The following SPAG16 variants were observed in gnomAD, a reference collection of about 807,000 sequenced individuals.
SPAG16 encodes the protein sperm-associated antigen 16 protein.
In SPAG16, 86 loss-of-function variants were observed where a neutral mutation model predicts 80.4. The ratio of observed to expected loss-of-function variants is 1.07; its 90% CI spans 0.90 to 1.28. The LOEUF (loss-of-function observed/expected upper bound fraction) is 1.28, where lower values mean the gene tolerates loss of function less well. SPAG16 is among the 50% of genes most tolerant of loss of function. SPAG16 has a pLI of 0.00. For missense variants in SPAG16, 870 were observed against 765.3 expected, an observed-to-expected ratio of 1.14 and a Z score of -1.61; for synonymous variants, 294 against 265.9, an observed-to-expected ratio of 1.11 and a Z score of -1.03.
chr2:214,104,165 C>T (rs2125389144), intron 13 of SPAG16, among the ~76,000 whole-genome samples: 1 of 152,246 alleles, frequency 6.6e-6, no homozygotes, highest in Admixed American at 6.5e-5. Flanking sequence ...GGTGCCAGAA[C>T]TCTGCTTAGA....
intron 10 of SPAG16, among the ~76,000 whole-genome samples, chr2:213,686,770 T>C (rs2064701655): frequency 7.8e-6 from 1 of 127,828 alleles, no homozygotes; most frequent in Non-Finnish European, 1.6e-5. Flanking sequence ...CACTGCAACC[T>C]CCACCTCCTG....
chr2:213,318,205 AC>A (rs2063480810), intron 5 of SPAG16, among the ~76,000 whole-genome samples: 1 of 151,974 alleles, frequency 6.6e-6, no homozygotes, highest in East Asian at 1.9e-4. Context: ...CCACACTCTT[AC>A]GTTTATTGCA....
At chr2:213,840,527 C>T (rs987589240) in intron 10 of SPAG16, among the ~76,000 whole-genome samples, 1 of 152,080 alleles carries the variant, frequency 6.6e-6, no homozygotes, top group Non-Finnish European at 1.5e-5. Context: ...AAAGTTCGAT[C>T]ACTGCTAAAT....
intron 15 of SPAG16, among the ~76,000 whole-genome samples, chr2:214,290,974 TTATTG>T (rs1029088495): frequency 1.3e-5 from 2 of 152,216 alleles, no homozygotes; most frequent in African/African-American, 4.8e-5. Context: ...TTTTCCACTA[TTATTG>T]TATTGAAGTG....
rs374274176 is a variant in SPAG16 at position 213,980,725 on chromosome 2, T to TATAGAGAGAG, written c.1401-33225_1401-33224insTAGAGAGAGA. On this transcript the variant is annotated intron_variant, in intron 12 of 15. Transcript: ENST00000331683. ...GTGTGTGTGTGTGTATATATATATA[T>TATAGAGAGAG]AGAGAGAGAGAGAGAGAGAGAGAGA... Among the ~76,000 whole-genome samples the TATAGAGAGAG allele has an allele frequency of 4.0e-3, 421 of 103,978 alleles. 5 individuals are homozygous for TATAGAGAGAG. The highest frequency in any genetic ancestry group is 0.024 in the East Asian group (83 of 3,484). 68.2% of individuals were successfully genotyped at this position (103,978 alleles called of 152,430 possible).
At position 214,283,870 on chromosome 2, in the gene SPAG16, G is replaced by GA. The variant is rs542252311; in HGVS notation, c.1721-126264dup. 1.2e-3 allele frequency among the ~76,000 whole-genome samples: 184 copies of GA among 151,996 alleles called. 1 individual carries two copies. Among genetic ancestry groups the GA allele is most frequent in the African/African-American group, 4.0e-3 (167 of 41,476 alleles). ...AATAGCACTTTGAATTTAATCTTTA[G>GA]AAAAAACACAAGAAATTGACATTAT... On this transcript the variant is annotated intron_variant, in intron 15 of 15. Coordinates refer to ENST00000331683, the MANE Select transcript of SPAG16 (RefSeq NM_024532.5).
intron 15 of SPAG16, among the ~76,000 whole-genome samples, chr2:214,364,008 G>A (rs1912186): frequency 0.97 from 147,894 of 152,142 alleles, 72,049 homozygotes; most frequent in Middle Eastern, 1. Context: ...TTACAACCCA[G>A]ACGTATTCTT....
intron 15 of SPAG16, among the ~76,000 whole-genome samples, chr2:214,250,751 TATATATAGAGAGAGAGAGAG>T: frequency 1.0e-5 from 1 of 98,846 alleles, no homozygotes; most frequent in Middle Eastern, 5.7e-3. Context: ...TATATATATA[TATATATAGAGAGAGAGAGAG>T]AGAGAGAGAG....
intron 15 of SPAG16, among the ~76,000 whole-genome samples, chr2:214,305,385 A>G (rs553256972): frequency 6.6e-6 from 1 of 152,040 alleles, no homozygotes; most frequent in Non-Finnish European, 1.5e-5. Context: ...ATTAGATCCC[A>G]TTTGTCAACT....
chr2:213,646,198 A>G (rs1233916325), intron 10 of SPAG16, among the ~76,000 whole-genome samples: 1 of 152,174 alleles, frequency 6.6e-6, no homozygotes, highest in Non-Finnish European at 1.5e-5. Flanking sequence ...ATACAAAGTT[A>G]CAACCAGGTA....
At chr2:213,909,569 G>A (rs565208550) in intron 11 of SPAG16, among the ~76,000 whole-genome samples, 13 of 151,848 alleles carry the variant, frequency 8.6e-5, no homozygotes, top group Admixed American at 3.9e-4. Context: ...CAGAAATAAC[G>A]CCGCATATCT....
At chr2:213,714,114 C>A (rs944353703) in intron 10 of SPAG16, among the ~76,000 whole-genome samples, 1 of 152,122 alleles carries the variant, frequency 6.6e-6, no homozygotes, top group Non-Finnish European at 1.5e-5. Context: ...CCTGGTAAAT[C>A]CTGCCTCAGA....
At chr2:213,605,189 C>T (rs1335330130) in intron 10 of SPAG16, among the ~76,000 whole-genome samples, 1 of 151,898 alleles carries the variant, frequency 6.6e-6, no homozygotes, top group East Asian at 1.9e-4. Context: ...TATATATGTC[C>T]ACCCAACTAT....
intron 15 of SPAG16, among the ~76,000 whole-genome samples, chr2:214,173,379 G>A (rs903998043): frequency 1.1e-4 from 16 of 151,944 alleles, no homozygotes; most frequent in African/African-American, 3.9e-4. Flanking sequence ...GCTTGTTTTT[G>A]TCAGGTTTGT....
intron 10 of SPAG16, among the ~76,000 whole-genome samples, chr2:213,716,367 G>A (rs189639074): frequency 6.6e-5 from 10 of 152,268 alleles, no homozygotes; most frequent in Non-Finnish European, 1.3e-4. Context: ...ATACACAGAA[G>A]TGCATACTGT....
chr2:214,217,624 G>A (rs996379918), intron 15 of SPAG16, among the ~76,000 whole-genome samples: 1 of 152,162 alleles, frequency 6.6e-6, no homozygotes, highest in Non-Finnish European at 1.5e-5. Flanking sequence ...CAGCCACTAG[G>A]CTATACACAC....
intron 1 of SPAG16, among the ~76,000 whole-genome samples, chr2:213,293,385 A>G (rs1222559764): frequency 6.6e-6 from 1 of 152,224 alleles, no homozygotes; most frequent in Non-Finnish European, 1.5e-5. Context: ...ATCCTCACAC[A>G]CTGAGTAGAC....
At chr2:213,674,540 C>G (rs200448656) in intron 10 of SPAG16, among the ~76,000 whole-genome samples, 1 of 149,512 alleles carries the variant, frequency 6.7e-6, no homozygotes, top group African/African-American at 2.6e-5. Flanking sequence ...CCCCTTTCCC[C>G]CACCCCACAA....
chr2:214,175,881 A>G (rs1471536662), intron 15 of SPAG16, among the ~76,000 whole-genome samples: 1 of 151,452 alleles, frequency 6.6e-6, no homozygotes, highest in Non-Finnish European at 1.5e-5. Flanking sequence ...ATAAAGGTGC[A>G]GATGAGAGTA....
Sources: gnomAD v4.1 joint callset for allele counts (sites outside exome capture counted in the v4.1 genomes callset) on GRCh38, gnomAD v4.1.1 for gene constraint, MANE v1.5 for transcripts, NCBI Gene and HGNC (gene_info 2026-07-23, HGNC 2026-07-21) for gene names.